Variants in GLI3 observed in about 807,000 individuals in gnomAD.
GLI3 encodes the protein GLI family zinc finger 3, also known as transcription activator GLI3.
GLI3 carries 20 observed loss-of-function variants against 100.8 expected under a neutral mutation model. The ratio of observed to expected loss-of-function variants is 0.20; its 90% CI spans 0.14 to 0.29. The LOEUF is 0.29. Ranked by LOEUF, GLI3 falls within the 10% of genes least tolerant of loss-of-function variation. The probability of loss-of-function intolerance (pLI) is 1.00; values close to 1 mark genes in which losing one functional copy is unlikely to be tolerated. For missense variants in GLI3, 2,040 were observed against 2,128.5 expected (o/e 0.96, Z 0.82); for synonymous variants, 938 against 860.5 (o/e 1.09, Z -1.58).
chr7:42,238,632 T>C (rs1438696505), upstream of GLI3, among the ~76,000 whole-genome samples: 1 of 152,242 alleles, frequency 6.6e-6, no homozygotes, highest in Non-Finnish European at 1.5e-5. Context: ...TCTCTGTCCC[T>C]GCTTCATTTT....
intron 4 of GLI3, among the ~76,000 whole-genome samples, chr7:42,074,269 A>C (rs191637583): frequency 1.3e-5 from 2 of 152,192 alleles, no homozygotes. Flanking sequence ...ACACATGCAA[A>C]GGTCAGTGGC....
chr7:41,987,101 GACACACAC>G (rs34005460), intron 10 of GLI3, among the ~76,000 whole-genome samples: 27 of 140,712 alleles, frequency 1.9e-4, no homozygotes, highest in African/African-American at 5.5e-4. Context: ...CACAGACACA[GACACACAC>G]ACACACACAC....
At chr7:41,983,154 G>A (rs1787721525) in intron 10 of GLI3, among the ~76,000 whole-genome samples, 1 of 152,202 alleles carries the variant, frequency 6.6e-6, no homozygotes, top group African/African-American at 2.4e-5. Flanking sequence ...GCCATTGACT[G>A]CTAATCCCCA....
At position 42,025,297 on chromosome 7, in the gene GLI3, T is replaced by G. The variant is rs1789079624; in HGVS notation, c.1323A>C (p.Glu441Asp). Reference protein sequence around the residue: ...HNKRSKIKPDEDLPSPGARGQ... With the variant: ...HNKRSKIKPDDDLPSPGARGQ... The stretch of plus-strand genomic sequence containing the variant: ...CCCGAGCCCCTGGGCTGGGGAGGTC[T>G]TCATCGGGTTTGATCTTGGACCTCT... The change falls in exon 9 of 15, where the codon GAA becomes GAC. Residue 441 changes from glutamate to aspartate, a missense_variant. Physicochemically the swap from Glu to Asp is conservative, Grantham distance 45. Coordinates refer to ENST00000395925, the MANE Select transcript of GLI3 (RefSeq NM_000168.6). The G allele has an allele frequency of 1.2e-6, 2 of 1,613,892 alleles. No individual in the cohort carries two copies. Among genetic ancestry groups the G allele is most frequent in the Non-Finnish European group, 1.7e-6 (2 of 1,179,882 alleles).
Position 42,048,529 on chromosome 7 carries a change from G to C in GLI3, c.641C>G (p.Ser214Cys), listed in dbSNP as rs886062338. The C allele has an allele frequency of 2.5e-6, 4 of 1,613,562 alleles. No homozygotes were observed. The highest frequency in any genetic ancestry group is 1.3e-5 in the African/African-American group (1 of 74,836). Residue 214 changes from serine (S) to cysteine (C), a missense_variant, in exon 5 of 15, where the codon TCC becomes TGC. Coordinates refer to ENST00000395925, the MANE Select transcript of GLI3 (RefSeq NM_000168.6). Reference sequence around the variant, plus strand: ...CAGCCCACGGGTTGCTGAGATCATGGAGAGCGATGGGCTGCTGTGCAAGGA... The same window carrying C: ...CAGCCCACGGGTTGCTGAGATCATGCAGAGCGATGGGCTGCTGTGCAAGGA... ...IRSLHSSPSL[S>C]MISATRGLSP... is the part of the protein sequence containing the mutation.
chr7:41,987,859 C>G (rs570163940), intron 10 of GLI3, among the ~76,000 whole-genome samples: 12 of 152,264 alleles, frequency 7.9e-5, no homozygotes, highest in Admixed American at 7.8e-4. Context: ...AAATTTGTGA[C>G]ATAATTTATC....
Position 42,147,830 on chromosome 7 carries a change from C to T in GLI3, c.367+396G>A, listed in dbSNP as rs148215570. On this transcript the variant is annotated intron_variant, in intron 3 of 14. Coordinates refer to ENST00000395925, the MANE Select transcript of GLI3 (RefSeq NM_000168.6). ...AAAAAATCATTAAAAATGGGAATTG[C>T]GGCTGTTGAGCACTTCTCTTAATGC... Among the ~76,000 whole-genome samples, 219 of 152,172 alleles carry T rather than the reference C, an allele frequency of 1.4e-3. 1 individual carries two copies. The highest frequency in any genetic ancestry group is 4.8e-3 in the African/African-American group (200 of 41,502).
chr7:42,040,592 A>C (rs1356331609), intron 6 of GLI3, among the ~76,000 whole-genome samples: 3 of 152,182 alleles, frequency 2.0e-5, no homozygotes, highest in African/African-American at 7.2e-5. Flanking sequence ...AGCGACAAAG[A>C]CAGTGGTTCC....
chr7:41,988,002 T>C (rs553662010), intron 10 of GLI3, among the ~76,000 whole-genome samples: 7 of 152,338 alleles, frequency 4.6e-5, no homozygotes, highest in Non-Finnish European at 7.3e-5. Context: ...GAGAAGAGTT[T>C]CTAAGAAGTA....
chr7:41,977,135 A>T (rs754920382), intron 12 of GLI3, among the ~76,000 whole-genome samples: 4 of 152,238 alleles, frequency 2.6e-5, no homozygotes, highest in Non-Finnish European at 4.4e-5. Flanking sequence ...GGAAGCAAAT[A>T]AAAGTGGATG....
At chr7:42,055,626 G>T (rs1784444412) in intron 4 of GLI3, among the ~76,000 whole-genome samples, 1 of 151,912 alleles carries the variant, frequency 6.6e-6, no homozygotes, top group Admixed American at 6.5e-5. Flanking sequence ...TTACTTGTTT[G>T]TCCCCTTAAC....
chr7:41,974,374 C>T (rs1210634371), intron 12 of GLI3, among the ~76,000 whole-genome samples: 1 of 152,150 alleles, frequency 6.6e-6, no homozygotes, highest in African/African-American at 2.4e-5. Context: ...CTCACAACAA[C>T]ATAACATAAA....
intron 2 of GLI3, among the ~76,000 whole-genome samples, chr7:42,180,451 A>G (rs1376609500): frequency 3.3e-5 from 5 of 152,224 alleles, no homozygotes; most frequent in African/African-American, 1.2e-4. Context: ...GGTGAGATGA[A>G]CATGGTCACT....
chr7:41,991,125 T>C (rs1182351984), intron 10 of GLI3, among the ~76,000 whole-genome samples: 1 of 152,214 alleles, frequency 6.6e-6, no homozygotes, highest in East Asian at 1.9e-4. Context: ...ACATGTCCAT[T>C]GGATCTTATC....
chr7:42,088,571 C>T (rs1379431084), intron 3 of GLI3, among the ~76,000 whole-genome samples: 1 of 152,244 alleles, frequency 6.6e-6, no homozygotes, highest in Non-Finnish European at 1.5e-5. Context: ...CAAGAGGCAT[C>T]CTGCCTGGGC....
intron 3 of GLI3, among the ~76,000 whole-genome samples, chr7:42,141,994 C>G (rs1171161957): frequency 6.6e-6 from 1 of 152,018 alleles, no homozygotes; most frequent in Non-Finnish European, 1.5e-5. Context: ...GTTTTGGTGC[C>G]CACAGAAAGT....
intron 3 of GLI3, among the ~76,000 whole-genome samples, chr7:42,141,326 C>T (rs1048612870): frequency 2.0e-5 from 3 of 152,154 alleles, no homozygotes; most frequent in East Asian, 3.8e-4. Flanking sequence ...CTTAAAATTA[C>T]GGTCCCCATC....
chr7:42,095,833 C>A (rs370723955), intron 3 of GLI3, among the ~76,000 whole-genome samples: 36 of 152,024 alleles, frequency 2.4e-4, no homozygotes, highest in African/African-American at 8.7e-4. Flanking sequence ...GAGATGGAGG[C>A]GGGAGAGGCG....
At position 42,048,591 on chromosome 7, in the gene GLI3, T is replaced by C. The variant is rs1365340306; in HGVS notation, c.579A>G (p.Pro193=). 1.2e-6 allele frequency: 2 copies of C among 1,611,386 alleles called. No homozygotes were observed. Among genetic ancestry groups the C allele is most frequent in the Non-Finnish European group, 1.7e-6 (2 of 1,178,834 alleles). Reference sequence around the variant, plus strand: ...CCATGTAGGGATTAATGTAGGGATGTGGAGGGCTGAAGGGAGACTCGGAAG... The same window carrying C: ...CCATGTAGGGATTAATGTAGGGATGCGGAGGGCTGAAGGGAGACTCGGAAG... ...TAASESPFSP[P]HPYINPYMDY... Residue 193 remains proline (P), a synonymous_variant, in exon 5 of 15, where the codon CCA becomes CCG. Transcript: ENST00000395925.
Sources: gnomAD v4.1 joint callset for allele counts (sites outside exome capture counted in the v4.1 genomes callset) on GRCh38, gnomAD v4.1.1 for gene constraint, MANE v1.5 for transcripts, NCBI Gene and HGNC (gene_info 2026-07-23, HGNC 2026-07-21) for gene names.